The following GRIK4 variants were observed in gnomAD, a reference collection of about 807,000 sequenced individuals.
GRIK4 encodes the protein glutamate receptor ionotropic, kainate 4.
Under a neutral mutation model 104.9 loss-of-function variants are expected in GRIK4, and 40 were observed. The ratio of observed to expected loss-of-function variants is 0.38; its 90% CI spans 0.30 to 0.50. The LOEUF is 0.50. Ranked by LOEUF, GRIK4 falls within the 20% of genes least tolerant of loss-of-function variation. GRIK4 has a pLI of 0.93. For synonymous variants in GRIK4, 485 were observed against 524.9 expected (o/e 0.92, Z 1.04); for missense variants, 1,047 against 1,308.1 (o/e 0.80, Z 3.08).
At chr11:120,685,872 C>A (rs1950267390) in intron 3 of GRIK4, among the ~76,000 whole-genome samples, 1 of 152,186 alleles carries the variant, frequency 6.6e-6, no homozygotes, top group South Asian at 2.1e-4. Flanking sequence ...GTGCCTCCCT[C>A]ACCCTTTCTG....
chr11:120,848,233 G>A lies in GRIK4; in HGVS notation c.744+11389G>A, dbSNP rs368508832. 1.2e-4 allele frequency among the ~76,000 whole-genome samples: 18 copies of A among 152,300 alleles called. 1 individual carries two copies. In the South Asian group the frequency reaches 3.3e-3, roughly 28 times the overall value. On this transcript the variant is annotated intron_variant, in intron 8 of 20. Coordinates refer to ENST00000527524, the MANE Select transcript of GRIK4 (RefSeq NM_014619.5). ...CTCTAAGATGCTATGTGCCATTGAC[G>A]AACTACATCCAGAGCTCCAGGAGAC...
chr11:120,874,904 T>C (rs991767847), intron 10 of GRIK4, among the ~76,000 whole-genome samples: 2 of 152,174 alleles, frequency 1.3e-5, no homozygotes, highest in Non-Finnish European at 2.9e-5. Flanking sequence ...GCAGTTGGTA[T>C]GGGGTTATTG....
rs965050498 is a variant in GRIK4 at position 120,819,610 on chromosome 11, C to A, written c.346-145C>A. On this transcript the variant is annotated intron_variant, in intron 5 of 20. Coordinates refer to ENST00000527524, the MANE Select transcript of GRIK4 (RefSeq NM_014619.5). This position sits in a 1 kb window ranked among gnomAD's most constrained non-coding sequence, Gnocchi z 4.3. ...CGTCTTCCTCCCACGGAGTGGGTGC[C>A]CTGGGAGCTCCTTCTCCCATTGGTG... The A allele has an allele frequency of 3.4e-5, 24 of 715,484 alleles. 1 individual carries two copies. The highest frequency in any genetic ancestry group is 1.9e-4 in the Admixed American group (9 of 46,242). 44.3% of individuals were successfully genotyped at this position (715,484 alleles called of 1,614,324 possible). A position where few individuals can be genotyped will look rare whatever the true frequency, so the allele number is the denominator to read the frequency against.
At chr11:120,737,623 GAGTT>G (rs1164607561) in intron 3 of GRIK4, among the ~76,000 whole-genome samples, 2 of 152,190 alleles carry the variant, frequency 1.3e-5, no homozygotes, top group Non-Finnish European at 2.9e-5. Flanking sequence ...AATTAAAAGA[GAGTT>G]AGAAGACATA....
intron 8 of GRIK4, among the ~76,000 whole-genome samples, chr11:120,837,970 G>A (rs1281381814): frequency 6.6e-6 from 1 of 152,036 alleles, no homozygotes; most frequent in Non-Finnish European, 1.5e-5. Context: ...AGAGGAGGAA[G>A]GAACTGGGCA....
chr11:120,652,427 C>T (rs1949632649), intron 1 of GRIK4, among the ~76,000 whole-genome samples: 2 of 152,088 alleles, frequency 1.3e-5, no homozygotes, highest in African/African-American at 4.8e-5. Flanking sequence ...AAGTGCTGCC[C>T]AACTGCATTA....
intron 19 of GRIK4, among the ~76,000 whole-genome samples, chr11:120,972,570 C>T (rs1207797928): frequency 6.6e-6 from 1 of 152,048 alleles, no homozygotes; most frequent in Non-Finnish European, 1.5e-5. Flanking sequence ...GTCTGCAAAT[C>T]AGATAAAAGG....
chr11:120,748,233 G>T (rs115172864), intron 3 of GRIK4, among the ~76,000 whole-genome samples: 1 of 151,956 alleles, frequency 6.6e-6, no homozygotes, highest in African/African-American at 2.4e-5. Context: ...CTTGGCTGTT[G>T]TGTCCATTGG....
intron 9 of GRIK4, chr11:120,869,546 C>T (rs908788209): frequency 6.6e-6 from 1 of 152,308 alleles, no homozygotes; most frequent in Non-Finnish European, 1.5e-5. Context: ...GCACGGATCT[C>T]AGCATCCACA....
intron 13 of GRIK4, among the ~76,000 whole-genome samples, chr11:120,930,004 G>A (rs916015382): frequency 4.5e-4 from 65 of 145,800 alleles, no homozygotes; most frequent in East Asian, 1.4e-3. Context: ...GCCACGTTTG[G>A]GGGGGGGGTC....
chr11:120,606,272 C>T (rs1402676686), intron 1 of GRIK4, among the ~76,000 whole-genome samples: 5 of 152,220 alleles, frequency 3.3e-5, no homozygotes, highest in African/African-American at 9.7e-5. Context: ...CCTCCCCACG[C>T]CCCTCCTCTG....
intron 1 of GRIK4, among the ~76,000 whole-genome samples, chr11:120,643,471 T>C (rs994569816): frequency 1.3e-5 from 2 of 152,212 alleles, no homozygotes; most frequent in African/African-American, 4.8e-5. Context: ...CAGAGCACAA[T>C]GCCTGGAGCA....
intron 12 of GRIK4, among the ~76,000 whole-genome samples, chr11:120,904,220 C>T (rs1942814166): frequency 6.6e-6 from 1 of 152,178 alleles, no homozygotes; most frequent in South Asian, 2.1e-4. Context: ...TTTAAACACC[C>T]AGTGGGTCAC....
At chr11:120,558,245 C>T (rs1304324601) in intron 1 of GRIK4, among the ~76,000 whole-genome samples, 1 of 152,052 alleles carries the variant, frequency 6.6e-6, no homozygotes, top group African/African-American at 2.4e-5. Flanking sequence ...AGTGTCAGTA[C>T]TATAGTAGGT....
chr11:120,943,806 A>T (rs1943786187), intron 14 of GRIK4, among the ~76,000 whole-genome samples: 1 of 152,240 alleles, frequency 6.6e-6, no homozygotes, highest in South Asian at 2.1e-4. Context: ...AAAATAATTA[A>T]CTTAGAGTGC....
At chr11:120,709,390 A>G (rs1412074794) in intron 3 of GRIK4, among the ~76,000 whole-genome samples, 1 of 152,132 alleles carries the variant, frequency 6.6e-6, no homozygotes, top group Non-Finnish European at 1.5e-5. Flanking sequence ...GGTACCTGAC[A>G]GGGAGGGGAT....
intron 4 of GRIK4, among the ~76,000 whole-genome samples, chr11:120,809,184 T>G (rs1409804496): frequency 6.6e-6 from 1 of 152,202 alleles, no homozygotes; most frequent in Non-Finnish European, 1.5e-5. Flanking sequence ...ACCACCCCTG[T>G]CCAGCCTGGG....
intron 11 of GRIK4, among the ~76,000 whole-genome samples, chr11:120,885,506 C>T (rs1204997494): frequency 6.6e-6 from 1 of 152,076 alleles, no homozygotes; most frequent in Non-Finnish European, 1.5e-5. Flanking sequence ...TTGTCTCAAG[C>T]TCCTAAGTAG....
intron 1 of GRIK4, among the ~76,000 whole-genome samples, chr11:120,570,993 C>G (rs1000328963): frequency 6.6e-6 from 1 of 152,124 alleles, no homozygotes; most frequent in African/African-American, 2.4e-5. Flanking sequence ...TACCAATAGC[C>G]TCTCAGAATG....
Sources: allele counts gnomAD v4.1 joint callset (sites outside exome capture counted in the v4.1 genomes callset), GRCh38; gene constraint gnomAD v4.1.1; non-coding constraint Gnocchi (gnomAD v3.1); transcripts MANE v1.5; gene names NCBI Gene and HGNC (gene_info 2026-07-23, HGNC 2026-07-21).